The following CPEB2 variants were observed in gnomAD, a reference collection of about 807,000 sequenced individuals.
The protein encoded by CPEB2 is cytoplasmic polyadenylation element-binding protein 2.
Under a neutral mutation model 93.6 loss-of-function variants are expected in CPEB2, and 56 were observed. That is an observed-to-expected ratio of 0.60 (90% CI 0.48 to 0.75). CPEB2 has a LOEUF of 0.75. Among genes scored for constraint, CPEB2 ranks in the 30% least tolerant of loss-of-function variants. CPEB2 has a pLI of 0.00. For missense variants in CPEB2, 1,579 were observed against 1,395.1 expected (o/e 1.13, Z -2.10); for synonymous variants, 764 against 586.3 (o/e 1.30, Z -4.38).
intron 3 of CPEB2, among the ~76,000 whole-genome samples, 156 bp from the exon 4 acceptor site, chr4:15,017,032 C>A (rs1724231916): frequency 6.6e-6 from 1 of 151,878 alleles, no homozygotes. Flanking sequence ...CATTGTAGTT[C>A]ATGAGATCTT....
chr4:15,011,763 A>G (rs1033779379), intron 3 of CPEB2, among the ~76,000 whole-genome samples: 1 of 152,230 alleles, frequency 6.6e-6, no homozygotes, highest in East Asian at 1.9e-4. Flanking sequence ...ATGACATATC[A>G]GCTCACTGTA....
chr4:15,029,721 G>A (rs1725875938), intron 4 of CPEB2, among the ~76,000 whole-genome samples: 1 of 152,080 alleles, frequency 6.6e-6, no homozygotes, highest in South Asian at 2.1e-4. Context: ...AACACTTCTA[G>A]AGTAGTATGG....
At chr4:15,043,486 C>G (rs1727377625) in intron 6 of CPEB2, among the ~76,000 whole-genome samples, 1 of 152,096 alleles carries the variant, frequency 6.6e-6, no homozygotes, top group South Asian at 2.1e-4. Context: ...TGGAAAACTA[C>G]TTATCATTTG....
At position 15,003,878 on chromosome 4, in the gene CPEB2, C is replaced by A. The variant is rs952080876; in HGVS notation, c.1205C>A (p.Pro402Gln). 1.2e-6 allele frequency: 1 copy of A among 861,626 alleles called. No homozygotes were observed. Among genetic ancestry groups the A allele is most frequent in the Non-Finnish European group, 1.5e-6 (1 of 651,550 alleles). 53.4% of individuals were successfully genotyped at this position (861,626 alleles called of 1,614,324 possible). A position where few individuals can be genotyped will look rare whatever the true frequency, so the allele number is the denominator to read the frequency against. The part of the protein sequence containing the change: ...PQPQQPPPTQ[P>Q]QQQPPPPQQP... ...CCCCAGCAGCCGCCGCCGACCCAGC[C>A]GCAGCAGCAGCCGCCGCCACCCCAG... is the stretch of plus-strand genomic sequence containing the variant. Residue 402 changes from proline to glutamine, a missense_variant, in exon 1 of 12, where the codon CCG (proline) becomes CAG (glutamine). By Grantham distance (76) the Pro-to-Gln change is moderately conservative. Transcript: ENST00000538197.
intron 4 of CPEB2, among the ~76,000 whole-genome samples, chr4:15,018,049 C>G (rs1257303796): frequency 6.6e-6 from 1 of 151,798 alleles, no homozygotes; most frequent in Non-Finnish European, 1.5e-5. Context: ...AGCTTAAAAA[C>G]AGCAATAAAT....
At chr4:15,032,184 A>G (rs1490200156) in intron 4 of CPEB2, among the ~76,000 whole-genome samples, 1 of 152,174 alleles carries the variant, frequency 6.6e-6, no homozygotes, top group Non-Finnish European at 1.5e-5. Flanking sequence ...TACATGCTCA[A>G]ACTCCTGGGC....
chr4:15,067,566 C>T lies in CPEB2; in HGVS notation c.*1186C>T, dbSNP rs1174304553. 2 of 152,412 alleles carry T rather than the reference C, an allele frequency of 1.3e-5. No homozygotes were observed. Among genetic ancestry groups the T allele is most frequent in the Admixed American group, 6.6e-5 (1 of 15,222 alleles). The allele number at this position is 152,412 out of a possible 1,614,324, so 9.4% of individuals were successfully genotyped here. A position where few individuals can be genotyped will look rare whatever the true frequency, so the allele number is the denominator to read the frequency against. On this transcript the variant is annotated 3_prime_UTR_variant, in exon 12 of 12. Transcript: ENST00000538197. ...CTTTATAAACCAAAGATGGCCAGCACACTGCTAACCAGTCACCAAATGTAA... is the reference window on the plus strand; with the variant it reads ...CTTTATAAACCAAAGATGGCCAGCATACTGCTAACCAGTCACCAAATGTAA...
At chr4:15,045,811 T>G (rs1190090654) in intron 6 of CPEB2, among the ~76,000 whole-genome samples, 1 of 152,060 alleles carries the variant, frequency 6.6e-6, no homozygotes, top group Non-Finnish European at 1.5e-5. Flanking sequence ...CAGCTCTTCT[T>G]TTAAAAGAAA....
chr4:15,004,983 GAA>G (rs1560210035), intron 1 of CPEB2: 3 of 152,144 alleles, frequency 2.0e-5, no homozygotes, highest in African/African-American at 7.2e-5. Flanking sequence ...ATCTCGCCTT[GAA>G]GCCTCAGCCC....
Position 15,003,254 on chromosome 4 carries a change from AGCCGCCGCC to A in CPEB2, c.588_596del (p.Pro199_Pro201del), listed in dbSNP as rs560468327. The stretch of plus-strand genomic sequence containing the variant: ...CACCTTCCCCACCCTCCGGACTCGA[AGCCGCCGCC>A]GCCGCCTCCGCCGCTCCACTGCCCC... On this transcript the variant is annotated inframe_deletion, in exon 1 of 12. Coordinates refer to ENST00000538197, the MANE Select transcript of CPEB2 (RefSeq NM_001177382.2). 3.5e-5 allele frequency: 53 copies of A among 1,521,068 alleles called. No homozygotes were observed. The highest frequency in any genetic ancestry group is 1.7e-4 in the African/African-American group (12 of 70,554). 94.2% of individuals were successfully genotyped at this position (1,521,068 alleles called of 1,614,324 possible).
At chr4:15,062,353 C>A in intron 11 of CPEB2, 93 bp downstream of exon 11, 1 of 868,744 alleles carries the variant, frequency 1.2e-6, no homozygotes, top group Non-Finnish European at 1.7e-6. Context: ...AATTTGAACA[C>A]TTTAATTTTT....
intron 6 of CPEB2, among the ~76,000 whole-genome samples, chr4:15,051,787 C>T (rs909326651): frequency 6.6e-6 from 1 of 152,180 alleles, no homozygotes; most frequent in African/African-American, 2.4e-5. Context: ...GGGATTACTT[C>T]AGAGGATTGT....
chr4:15,053,701 A>G (rs1728452907), intron 7 of CPEB2, among the ~76,000 whole-genome samples: 1 of 152,186 alleles, frequency 6.6e-6, no homozygotes, highest in Non-Finnish European at 1.5e-5. Context: ...ATATTTTTTC[A>G]ACATTGTAGT....
chr4:15,048,733 C>G (rs1727948916), intron 6 of CPEB2, among the ~76,000 whole-genome samples: 1 of 151,910 alleles, frequency 6.6e-6, no homozygotes, highest in African/African-American at 2.4e-5. Flanking sequence ...TTGCTGCATT[C>G]CAGCAAAATG....
intron 8 of CPEB2, among the ~76,000 whole-genome samples, chr4:15,057,443 G>A (rs548361812): frequency 6.6e-6 from 1 of 152,176 alleles, no homozygotes; most frequent in South Asian, 2.1e-4. Context: ...CCCATTATAC[G>A]ATGGAACAGA....
At chr4:15,037,283 C>T (rs1211262799) in intron 5 of CPEB2, among the ~76,000 whole-genome samples, 1 of 151,848 alleles carries the variant, frequency 6.6e-6, no homozygotes, top group Non-Finnish European at 1.5e-5. Context: ...TGCACTCCAG[C>T]CTGGGCGACA....
chr4:15,049,846 A>G (rs1455063000), intron 6 of CPEB2, among the ~76,000 whole-genome samples: 1 of 152,148 alleles, frequency 6.6e-6, no homozygotes, highest in African/African-American at 2.4e-5. Flanking sequence ...TATAAACTAA[A>G]TTTTTATGTC....
rs1729741543 is a variant in CPEB2 at position 15,066,908 on chromosome 4, A to G, written c.*528A>G. The stretch of plus-strand genomic sequence containing the variant: ...TGCTCTCCATTTTGACTTGCAAGAA[A>G]TAATACCTCAAGATAATCTGATTTA... On this transcript the variant is annotated 3_prime_UTR_variant, in exon 12 of 12. Coordinates refer to ENST00000538197, the MANE Select transcript of CPEB2 (RefSeq NM_001177382.2). 1.3e-5 allele frequency: 2 copies of G among 154,188 alleles called. No individual in the cohort carries two copies. The highest frequency in any genetic ancestry group is 4.8e-5 in the African/African-American group (2 of 41,442). 9.6% of individuals were successfully genotyped at this position (154,188 alleles called of 1,614,324 possible).
intron 10 of CPEB2, among the ~76,000 whole-genome samples, chr4:15,059,514 A>G (rs1729004609): frequency 6.6e-6 from 1 of 152,138 alleles, no homozygotes; most frequent in Admixed American, 6.6e-5. Flanking sequence ...GTACTTATCT[A>G]TCAATATTAG....
Sources: allele counts gnomAD v4.1 joint callset (sites outside exome capture counted in the v4.1 genomes callset), GRCh38; gene constraint gnomAD v4.1.1; transcripts MANE v1.5; gene names NCBI Gene and HGNC (gene_info 2026-07-23, HGNC 2026-07-21).